TBC1D22A: variants seen among roughly 807,000 people sequenced by gnomAD.
TBC1D22A encodes TBC1 domain family member 22A, also known as putative GTPase activator.
A neutral mutation model predicts 60.2 loss-of-function variants in TBC1D22A; 38 were observed. That is an observed-to-expected ratio of 0.63 (90% CI 0.49 to 0.83). TBC1D22A has a LOEUF of 0.83. Among genes scored for constraint, TBC1D22A ranks in the 40% least tolerant of loss-of-function variants. TBC1D22A has a pLI of 0.00. For missense variants in TBC1D22A, 628 were observed against 701.0 expected, an observed-to-expected ratio of 0.90 and a Z score of 1.18; for synonymous variants, 302 against 281.7, an observed-to-expected ratio of 1.07 and a Z score of -0.72.
chr22:46,776,562 C>G (rs1438191948), intron 1 of TBC1D22A, among the ~76,000 whole-genome samples: 1 of 151,824 alleles, frequency 6.6e-6, no homozygotes, highest in African/African-American at 2.4e-5. Flanking sequence ...CTGATCAGAC[C>G]TCCTGCTACT....
In TBC1D22A at chr22:46,866,292, T is replaced by G. The variant is rs182183142; in HGVS notation, c.638-12361T>G. ...GCTAATTTTTGTATTTTAGTAGAGA[T>G]GGAGTTTCACCATGTTGGGTCAGGC... On this transcript the variant is annotated intron_variant, in intron 4 of 12. Transcript: ENST00000337137. Among the ~76,000 whole-genome samples, 44 of 152,220 alleles carry G rather than the reference T, an allele frequency of 2.9e-4. No homozygotes were observed. In the East Asian group the frequency reaches 7.9e-3, roughly 27 times the overall value.
intron 10 of TBC1D22A, among the ~76,000 whole-genome samples, chr22:47,003,319 C>T (rs986712140): frequency 4.0e-5 from 6 of 151,854 alleles, no homozygotes; most frequent in African/African-American, 1.2e-4. Flanking sequence ...CTTTGCTCCC[C>T]GAGGTTACAG....
intron 9 of TBC1D22A, among the ~76,000 whole-genome samples, chr22:46,995,365 G>A (rs191249953): frequency 2.7e-4 from 41 of 152,298 alleles, no homozygotes; most frequent in Admixed American, 2.5e-3. Flanking sequence ...TCAGCAAGCC[G>A]GCAGGTCTGA....
intron 10 of TBC1D22A, among the ~76,000 whole-genome samples, chr22:47,019,388 C>G (rs896978799): frequency 5.9e-5 from 9 of 152,246 alleles, no homozygotes; most frequent in Non-Finnish European, 1.3e-4. Context: ...GAACTCTTCT[C>G]TGATGAGATG....
At chr22:47,052,308 G>T (rs2063251231) in intron 11 of TBC1D22A, among the ~76,000 whole-genome samples, 1 of 152,218 alleles carries the variant, frequency 6.6e-6, no homozygotes, top group Admixed American at 6.5e-5. Flanking sequence ...GTGCCCATCG[G>T]CCATGCGGCC....
At chr22:46,970,585 G>T (rs2074008297) in intron 8 of TBC1D22A, among the ~76,000 whole-genome samples, 1 of 152,176 alleles carries the variant, frequency 6.6e-6, no homozygotes, top group Non-Finnish European at 1.5e-5. Context: ...GGGCTTCCCA[G>T]GTCGTGCCTC....
At chr22:46,799,846 G>A (rs1332715291) in intron 4 of TBC1D22A, among the ~76,000 whole-genome samples, 1 of 152,220 alleles carries the variant, frequency 6.6e-6, no homozygotes. Context: ...GGGGGCACGT[G>A]GTGCTGGTGG....
intron 12 of TBC1D22A, among the ~76,000 whole-genome samples, chr22:47,144,959 G>A (rs1004780822): frequency 1.3e-5 from 2 of 152,270 alleles, no homozygotes; most frequent in Admixed American, 6.5e-5. Flanking sequence ...CGGCTGAGCC[G>A]TTTGGTGCCG....
intron 4 of TBC1D22A, among the ~76,000 whole-genome samples, chr22:46,868,127 T>G (rs932926596): frequency 2.0e-5 from 3 of 152,186 alleles, no homozygotes; most frequent in Non-Finnish European, 4.4e-5. Context: ...GTTTTTTCAC[T>G]GTATTAATGG....
intron 8 of TBC1D22A, among the ~76,000 whole-genome samples, chr22:46,922,843 G>A (rs2070834498): frequency 6.6e-6 from 1 of 152,158 alleles, no homozygotes; most frequent in Non-Finnish European, 1.5e-5. Context: ...AGACTATGGG[G>A]TTTTCTAGGT....
intron 8 of TBC1D22A, among the ~76,000 whole-genome samples, chr22:46,959,469 C>T (rs1569273673): frequency 1.3e-5 from 2 of 152,202 alleles, no homozygotes; most frequent in Non-Finnish European, 2.9e-5. Flanking sequence ...TGAGCCTTGG[C>T]CCTCTGCCTC....
Position 47,055,470 on chromosome 22 carries a change from A to G in TBC1D22A, c.1329+18272A>G, listed in dbSNP as rs535939347. ...CTGTGTTAATACACACCCAAATCAG[A>G]GATCATATTGAGAATTTTGATTAGG... is the stretch of plus-strand genomic sequence containing the variant. On this transcript the variant is annotated intron_variant, in intron 11 of 12. Coordinates refer to ENST00000337137, the MANE Select transcript of TBC1D22A (RefSeq NM_014346.5). 4.6e-5 allele frequency among the ~76,000 whole-genome samples: 7 copies of G among 152,350 alleles called. No individual in the cohort carries two copies. The South Asian group carries it at 1.4e-3, about 32-fold the overall frequency.
chr22:46,833,573 G>A, intron 4 of TBC1D22A, among the ~76,000 whole-genome samples: 1 of 152,196 alleles, frequency 6.6e-6, no homozygotes, highest in East Asian at 1.9e-4. Context: ...GGGGTGATAA[G>A]ACTCAAGCCA....
At position 47,169,975 on chromosome 22, in the gene TBC1D22A, C is replaced by T. The variant is rs534388016; in HGVS notation, c.1426-3523C>T. ...AATGTGACCGAGGGATGGCTTCGCC[C>T]GTGGTGGCCCCTCTGCCTGCCTGGT... On this transcript the variant is annotated intron_variant, in intron 12 of 12. Transcript: ENST00000337137. 2.0e-5 allele frequency among the ~76,000 whole-genome samples: 3 copies of T among 152,322 alleles called. No individual in the cohort carries two copies. The South Asian group carries it at 6.2e-4, about 32-fold the overall frequency.
intron 1 of TBC1D22A, chr22:46,763,394 G>GTTTTTTTTTTTTTTTTTTT (rs61285872): frequency 1.5e-5 from 1 of 66,624 alleles, no homozygotes; most frequent in Non-Finnish European, 2.6e-5. Context: ...TTAGCAGGAA[G>GTTTTTTTTTTTTTTTTTTT]TTTTTTTTTT....
intron 12 of TBC1D22A, among the ~76,000 whole-genome samples, chr22:47,112,773 G>A (rs189282396): frequency 6.3e-4 from 96 of 152,268 alleles, no homozygotes; most frequent in African/African-American, 2.1e-3. Context: ...GCATTGAGGC[G>A]GTGATTGGCA....
Position 47,078,669 on chromosome 22 carries a change from A to G in TBC1D22A, c.1330-32839A>G, listed in dbSNP as rs116742060. Among the ~76,000 whole-genome samples the G allele has an allele frequency of 7.2e-3, 1,103 of 152,244 alleles. 9 individuals are homozygous for G. The highest frequency in any genetic ancestry group is 0.025 in the African/African-American group (1,045 of 41,534). The stretch of plus-strand genomic sequence containing the variant: ...TAGGGAACCTACCACCCCATATACA[A>G]TCCTTTTGTTGCACCCTTTTTTGCT... On this transcript the variant is annotated intron_variant, in intron 11 of 12. Coordinates refer to ENST00000337137, the MANE Select transcript of TBC1D22A (RefSeq NM_014346.5).
At chr22:46,790,302 C>G (rs77531718) in intron 1 of TBC1D22A, among the ~76,000 whole-genome samples, 11,197 of 152,332 alleles carry the variant, frequency 0.074, 582 homozygotes, top group Non-Finnish European at 0.11. Flanking sequence ...CTCTTCTGCT[C>G]TGACCACAGC....
chr22:47,091,613 G>GA (rs2064980944), intron 11 of TBC1D22A, among the ~76,000 whole-genome samples: 1 of 152,112 alleles, frequency 6.6e-6, no homozygotes, highest in Non-Finnish European at 1.5e-5. Context: ...GTCTTTCGGG[G>GA]AGTGGCCTCG....
Sources: allele counts gnomAD v4.1 joint callset (sites outside exome capture counted in the v4.1 genomes callset), GRCh38; gene constraint gnomAD v4.1.1; transcripts MANE v1.5; gene names NCBI Gene and HGNC (gene_info 2026-07-23, HGNC 2026-07-21).